Variants in RORA observed in about 807,000 individuals in gnomAD.
The protein encoded by RORA is RAR related orphan receptor A, also known as nuclear receptor ROR-alpha.
In RORA, 7 loss-of-function variants were observed where a neutral mutation model predicts 69.5. The observed-to-expected ratio is 0.10, with a 90% CI of 0.06 to 0.19. RORA has a LOEUF of 0.19. Ranked by LOEUF, RORA falls within the 10% of genes least tolerant of loss-of-function variation. The probability of loss-of-function intolerance (pLI) is 1.00; values close to 1 mark genes in which losing one functional copy is unlikely to be tolerated. For missense variants in RORA, 457 were observed against 663.0 expected, an observed-to-expected ratio of 0.69 and a Z score of 3.41; for synonymous variants, 261 against 240.8, an observed-to-expected ratio of 1.08 and a Z score of -0.78.
intron 1 of RORA, among the ~76,000 whole-genome samples, chr15:60,806,218 A>AAAAAAC (rs1233211611): frequency 1.3e-5 from 2 of 152,210 alleles, no homozygotes; most frequent in Non-Finnish European, 2.9e-5. Flanking sequence ...AAGGAGATTA[A>AAAAAAC]AAAAACAAAA....
At chr15:61,042,910 A>G (rs1896851007) in intron 1 of RORA, among the ~76,000 whole-genome samples, 1 of 152,196 alleles carries the variant, frequency 6.6e-6, no homozygotes, top group East Asian at 1.9e-4. Context: ...AATGCATCAA[A>G]GAGTGCACTG....
chr15:60,525,248 A>T (rs2066311666), intron 3 of RORA, among the ~76,000 whole-genome samples: 1 of 152,190 alleles, frequency 6.6e-6, no homozygotes, highest in Non-Finnish European at 1.5e-5. Flanking sequence ...GCCTGGAAAT[A>T]TGCCTGGCAC....
At chr15:61,054,331 T>C (rs769657936) in intron 1 of RORA, among the ~76,000 whole-genome samples, 1 of 138,344 alleles carries the variant, frequency 7.2e-6, no homozygotes, top group Non-Finnish European at 1.6e-5. Flanking sequence ...AAAAAAAAAA[T>C]GTTCTCCCAT....
chr15:60,872,497 C>G (rs1038765124), intron 1 of RORA, among the ~76,000 whole-genome samples: 1 of 152,010 alleles, frequency 6.6e-6, no homozygotes, highest in African/African-American at 2.4e-5. Context: ...TCAGGGTGCA[C>G]AGAATTTAGC....
chr15:60,545,704 A>T (rs2067048367), intron 2 of RORA, among the ~76,000 whole-genome samples: 1 of 152,138 alleles, frequency 6.6e-6, no homozygotes, highest in South Asian at 2.1e-4. Context: ...TTTTAAAGTG[A>T]ATCTGTTATT....
chr15:61,119,414 C>CAATA (rs1260156654), intron 1 of RORA, among the ~76,000 whole-genome samples: 13 of 144,136 alleles, frequency 9.0e-5, no homozygotes, highest in African/African-American at 3.3e-4. Context: ...TATACACACA[C>CAATA]TATATATATA....
At chr15:61,044,879 G>A (rs1310364585) in intron 1 of RORA, among the ~76,000 whole-genome samples, 1 of 152,300 alleles carries the variant, frequency 6.6e-6, no homozygotes, top group African/African-American at 2.4e-5. Context: ...GTGAAGCACT[G>A]CCCTGGGGTC....
intron 1 of RORA, among the ~76,000 whole-genome samples, chr15:61,168,679 C>T (rs768691675): frequency 1.3e-5 from 2 of 152,158 alleles, no homozygotes; most frequent in South Asian, 4.1e-4. Context: ...CTTTCCTTGT[C>T]ATTAAATGAT....
intron 2 of RORA, among the ~76,000 whole-genome samples, chr15:60,635,354 G>A (rs967775614): frequency 2.0e-5 from 3 of 152,132 alleles, no homozygotes; most frequent in Admixed American, 2.0e-4. Flanking sequence ...TTTTTTTGAT[G>A]TGGAGAAGGG....
Position 60,490,269 on chromosome 15 carries a change from A to G in RORA, c.*7186T>C, listed in dbSNP as rs2065020423. On this transcript the variant is annotated 3_prime_UTR_variant, in exon 11 of 11. Coordinates refer to ENST00000335670, the MANE Select transcript of RORA (RefSeq NM_134261.3). The surrounding 1 kb of genome is among the most constrained non-coding windows in gnomAD (Gnocchi z 4.1). ...AAAGGGATAATTTTTGTTGTTCACAAAAGTAACTTGTCTAGCACCACACAT... is the reference window on the plus strand; with the variant it reads ...AAAGGGATAATTTTTGTTGTTCACAGAAGTAACTTGTCTAGCACCACACAT... 1 of 151,976 alleles carries G rather than the reference A, an allele frequency of 6.6e-6. No individual in the cohort carries two copies. The highest frequency in any genetic ancestry group is 2.4e-5 in the African/African-American group (1 of 41,402). The allele number at this position is 151,976 out of a possible 1,614,324, so 9.4% of individuals were successfully genotyped here. A position where few individuals can be genotyped will look rare whatever the true frequency, so the allele number is the denominator to read the frequency against.
intron 1 of RORA, among the ~76,000 whole-genome samples, chr15:60,997,138 T>C (rs1224927475): frequency 6.6e-6 from 1 of 152,004 alleles, no homozygotes; most frequent in Admixed American, 6.6e-5. Context: ...CTCAGACGTT[T>C]TGATGTGGGA....
At chr15:60,564,038 G>C (rs2067649391) in intron 2 of RORA, among the ~76,000 whole-genome samples, 2 of 152,042 alleles carry the variant, frequency 1.3e-5, no homozygotes, top group Admixed American at 1.3e-4. Flanking sequence ...ATTTTATTAG[G>C]ATATGAATTT....
intron 2 of RORA, among the ~76,000 whole-genome samples, chr15:60,593,760 A>G (rs1176804797): frequency 6.6e-6 from 1 of 152,188 alleles, no homozygotes; most frequent in Non-Finnish European, 1.5e-5. Context: ...GCCACGCACA[A>G]CTTAAAATAT....
At chr15:60,558,147 G>C in intron 2 of RORA, 1 of 1,024,686 alleles carries the variant, frequency 9.8e-7, no homozygotes, top group Non-Finnish European at 1.5e-6. Context: ...GGGGGAAAGG[G>C]AGGCAAACAC....
At chr15:61,148,278 G>C (rs2079368528) in intron 1 of RORA, among the ~76,000 whole-genome samples, 1 of 152,228 alleles carries the variant, frequency 6.6e-6, no homozygotes, top group Non-Finnish European at 1.5e-5. Context: ...CAGGGTGGAA[G>C]AGGAGGTATG....
chr15:61,165,575 A>G (rs974156799), intron 1 of RORA, among the ~76,000 whole-genome samples: 2 of 152,210 alleles, frequency 1.3e-5, no homozygotes, highest in Non-Finnish European at 2.9e-5. Flanking sequence ...AATAGATCAA[A>G]GGCTTGATTA....
rs945264881 is a variant in RORA, at chr15:60,501,304, T to A, written c.1184-235A>T. Among the ~76,000 whole-genome samples the A allele has an allele frequency of 3.8e-4, 58 of 152,210 alleles. 1 individual carries two copies. Among genetic ancestry groups the A allele is most frequent in the Non-Finnish European group, 4.7e-4 (32 of 68,032 alleles). On this transcript the variant is annotated intron_variant, in intron 8 of 10. Coordinates refer to ENST00000335670, the MANE Select transcript of RORA (RefSeq NM_134261.3). ...AAATCTGTTTAGTCATCACCACCAC[T>A]TCCATCACATCACCATTGCCACTGT... is the stretch of plus-strand genomic sequence containing the variant.
intron 1 of RORA, among the ~76,000 whole-genome samples, chr15:60,747,453 T>C (rs747988003): frequency 5.9e-5 from 9 of 152,184 alleles, no homozygotes; most frequent in Non-Finnish European, 8.8e-5. Context: ...TTTTTTAAAA[T>C]TGGCATCTCT....
chr15:60,757,573 G>T (rs1310932619), intron 1 of RORA, among the ~76,000 whole-genome samples: 1 of 152,168 alleles, frequency 6.6e-6, no homozygotes, highest in Non-Finnish European at 1.5e-5. Flanking sequence ...GACCAACCAT[G>T]CTACAGTGCC....
Sources: allele counts gnomAD v4.1 joint callset (sites outside exome capture counted in the v4.1 genomes callset), GRCh38; gene constraint gnomAD v4.1.1; non-coding constraint Gnocchi (gnomAD v3.1); transcripts MANE v1.5; gene names NCBI Gene and HGNC (gene_info 2026-07-23, HGNC 2026-07-21).